Variants in GALNT14 observed in about 807,000 individuals in gnomAD.
GALNT14 encodes the protein polypeptide N-acetylgalactosaminyltransferase 14, also known as UDP-GalNAc:polypeptide N-acetylgalactosaminyltransferase 14.
Under a neutral mutation model 77.5 loss-of-function variants are expected in GALNT14, and 60 were observed. That is an observed-to-expected ratio of 0.77 (90% CI 0.63 to 0.96). The LOEUF (loss-of-function observed/expected upper bound fraction) is 0.96. Among genes scored for constraint, GALNT14 ranks in the 40% least tolerant of loss-of-function variants. The pLI, the probability that GALNT14 is intolerant of heterozygous loss-of-function variation, is 0.00. For synonymous variants in GALNT14, 280 were observed against 281.7 expected (o/e 0.99, Z 0.06); for missense variants, 710 against 731.0 (o/e 0.97, Z 0.33).
chr2:30,931,925 T>C lies in GALNT14; in HGVS notation c.1058+143A>G, dbSNP rs1572987400. 3.6e-5 allele frequency: 26 copies of C among 722,606 alleles called. No individual in the cohort carries two copies. In the East Asian group the frequency reaches 8.5e-4, roughly 24 times the overall value. 44.8% of individuals were successfully genotyped at this position (722,606 alleles called of 1,614,324 possible). A position where few individuals can be genotyped will look rare whatever the true frequency, so the allele number is the denominator to read the frequency against. On this transcript the variant is annotated intron_variant, in intron 10 of 14. Transcript: ENST00000349752. The stretch of plus-strand genomic sequence containing the variant: ...CTTCCCTATCCAAGCAGAGTCTGGG[T>C]AGTACGAGGTGCAGCCCCGGCCAGT...
chr2:30,988,087 G>C (rs1669430030), intron 2 of GALNT14, among the ~76,000 whole-genome samples: 1 of 152,332 alleles, frequency 6.6e-6, no homozygotes, highest in South Asian at 2.1e-4. Context: ...GCTTCCTTTA[G>C]CTCCTCTTTT....
At chr2:31,092,677 T>TA (rs1558564104) in intron 1 of GALNT14, among the ~76,000 whole-genome samples, 1 of 152,128 alleles carries the variant, frequency 6.6e-6, no homozygotes, top group African/African-American at 2.4e-5. Flanking sequence ...TCAGTCAATA[T>TA]AAAAAATCAT....
At chr2:31,035,641 ACACACACACACACACACT>A (rs1672694100) in intron 1 of GALNT14, among the ~76,000 whole-genome samples, 1 of 112,406 alleles carries the variant, frequency 8.9e-6, no homozygotes, top group Non-Finnish European at 1.9e-5. Flanking sequence ...ACACACACAC[ACACACACACACACACACT>A]ATGGAATACT....
At chr2:31,074,747 A>G (rs1675651064) in intron 1 of GALNT14, among the ~76,000 whole-genome samples, 1 of 152,218 alleles carries the variant, frequency 6.6e-6, no homozygotes, top group African/African-American at 2.4e-5. Flanking sequence ...CAGAATTGTC[A>G]TATTATCACT....
At chr2:31,034,006 G>A (rs919787946) in intron 1 of GALNT14, among the ~76,000 whole-genome samples, 3 of 152,192 alleles carry the variant, frequency 2.0e-5, no homozygotes, top group African/African-American at 7.2e-5. Context: ...ATCCTCTGCT[G>A]TAGGCCAGGC....
Position 30,955,908 on chromosome 2 carries a change from C to T in GALNT14, c.532+4G>A. On this transcript the variant is annotated splice_donor_region_variant and intron_variant, in intron 5 of 14. Transcript: ENST00000349752. The stretch of plus-strand genomic sequence containing the variant: ...GAGGCTCCCGCACAACAGCTCAGAC[C>T]TACCTTGCCGTTCATTATTGCGCAA... 2 of 1,613,932 alleles carry T rather than the reference C, an allele frequency of 1.2e-6. No homozygotes were observed. Among genetic ancestry groups the T allele is most frequent in the Non-Finnish European group, 1.7e-6 (2 of 1,180,036 alleles).
intron 1 of GALNT14, among the ~76,000 whole-genome samples, chr2:31,001,139 C>T (rs1191563130): frequency 2.6e-5 from 4 of 152,164 alleles, no homozygotes; most frequent in African/African-American, 9.7e-5. Flanking sequence ...CCACAGCCAG[C>T]TCTGGCTACC....
chr2:30,926,231 T>C (rs1407351506), intron 11 of GALNT14, among the ~76,000 whole-genome samples: 3 of 152,166 alleles, frequency 2.0e-5, no homozygotes, highest in African/African-American at 7.2e-5. Context: ...GGTGCAGTGT[T>C]ACCAAGACTT....
At chr2:31,070,201 C>T (rs750859795) in intron 1 of GALNT14, among the ~76,000 whole-genome samples, 1 of 152,218 alleles carries the variant, frequency 6.6e-6, no homozygotes, top group East Asian at 1.9e-4. Context: ...CGGGCTATTC[C>T]ACCATCTACT....
the GALNT14 span, among the ~76,000 whole-genome samples, chr2:30,903,317 A>T: frequency 1.5e-4 from 23 of 152,386 alleles, no homozygotes; most frequent in East Asian, 1.5e-3. Flanking sequence ...GGCTCCCAGC[A>T]ATTGCTGCCT....
chr2:30,969,633 G>T (rs1201902399), intron 2 of GALNT14, among the ~76,000 whole-genome samples: 2 of 152,202 alleles, frequency 1.3e-5, no homozygotes, highest in East Asian at 3.9e-4. Flanking sequence ...TGGGGGTAAA[G>T]TAGGGAGGGA....
intron 2 of GALNT14, among the ~76,000 whole-genome samples, chr2:30,972,323 G>A (rs912104513): frequency 6.6e-6 from 1 of 152,198 alleles, no homozygotes; most frequent in Non-Finnish European, 1.5e-5. Context: ...CAACTACACA[G>A]CACAATGAAA....
At position 30,931,294 on chromosome 2, in the gene GALNT14, G is replaced by A. The variant is rs370336483; in HGVS notation, c.1058+774C>T. On this transcript the variant is annotated intron_variant, in intron 10 of 14. Transcript: ENST00000349752. Reference sequence around the variant, plus strand: ...AAATGACAGAAAAAAAGGAAGAGGAGACCAAGTGGAGGAGAAGCTATCAGA... The same window carrying A: ...AAATGACAGAAAAAAAGGAAGAGGAAACCAAGTGGAGGAGAAGCTATCAGA... Among the ~76,000 whole-genome samples, 10 of 152,324 alleles carry A rather than the reference G, an allele frequency of 6.6e-5. No homozygotes were observed. The East Asian group carries it at 1.3e-3, about 21-fold the overall frequency.
intron 1 of GALNT14, among the ~76,000 whole-genome samples, chr2:31,112,687 C>T (rs1677903211): frequency 6.6e-6 from 1 of 152,224 alleles, no homozygotes; most frequent in Non-Finnish European, 1.5e-5. Context: ...CCCCCATCCC[C>T]TGTATGACAA....
chr2:31,014,736 A>AAGAG (rs1349360230), intron 1 of GALNT14, among the ~76,000 whole-genome samples: 1 of 152,174 alleles, frequency 6.6e-6, no homozygotes, highest in Non-Finnish European at 1.5e-5. Flanking sequence ...ATCGTAGAAT[A>AAGAG]AGAGGGTAGG....
chr2:30,967,051 G>A lies in GALNT14; in HGVS notation c.300-749C>T, dbSNP rs114045185. Among the ~76,000 whole-genome samples the A allele has an allele frequency of 3.0e-3, 456 of 152,246 alleles. 2 individuals carry two copies. The highest frequency in any genetic ancestry group is 0.01 in the African/African-American group (422 of 41,538). On this transcript the variant is annotated intron_variant, in intron 2 of 14. Coordinates refer to ENST00000349752, the MANE Select transcript of GALNT14 (RefSeq NM_024572.4). Reference sequence around the variant, plus strand: ...TATCACTGGGTAAATGCTTCCTCCTGTTTCTTGCTATTTCGGGGGATGTTC... The same window carrying A: ...TATCACTGGGTAAATGCTTCCTCCTATTTCTTGCTATTTCGGGGGATGTTC...
intron 1 of GALNT14, among the ~76,000 whole-genome samples, chr2:31,039,398 C>G (rs1672959725): frequency 6.6e-6 from 1 of 152,216 alleles, no homozygotes; most frequent in Non-Finnish European, 1.5e-5. Flanking sequence ...GTAGATAATA[C>G]TATCCTAATT....
At chr2:30,945,682 G>C in intron 7 of GALNT14, 101 bp downstream of exon 7, 1 of 954,728 alleles carries the variant, frequency 1.0e-6, no homozygotes, top group Non-Finnish European at 1.7e-6. Context: ...GAGCTTTCTC[G>C]ACAAGCAACT....
intron 1 of GALNT14, among the ~76,000 whole-genome samples, chr2:31,009,321 C>T (rs528305732): frequency 2.6e-5 from 4 of 151,166 alleles, no homozygotes; most frequent in African/African-American, 9.7e-5. Flanking sequence ...AGCCCCCCTT[C>T]GAGGGTCCTT....
Sources: gnomAD v4.1 joint callset for allele counts (sites outside exome capture counted in the v4.1 genomes callset) on GRCh38, gnomAD v4.1.1 for gene constraint, MANE v1.5 for transcripts, NCBI Gene and HGNC (gene_info 2026-07-23, HGNC 2026-07-21) for gene names.